The following BIN1 variants were observed in gnomAD, a reference collection of about 807,000 sequenced individuals.
BIN1 encodes myc box-dependent-interacting protein 1.
Under a neutral mutation model 82.0 loss-of-function variants are expected in BIN1, and 53 were observed. The observed-to-expected ratio is 0.65, with a 90% CI of 0.52 to 0.81. The LOEUF (loss-of-function observed/expected upper bound fraction) is 0.81. Among genes scored for constraint, BIN1 ranks in the 40% least tolerant of loss-of-function variants. BIN1 has a pLI of 0.00. For synonymous variants in BIN1, 302 were observed against 328.0 expected (o/e 0.92, Z 0.86); for missense variants, 642 against 784.4 (o/e 0.82, Z 2.17).
rs114823563 is a variant in BIN1, at chr2:127,081,840, T to G, written c.85-5134A>C. The G allele has an allele frequency of 8.3e-4, 1,066 of 1,287,954 alleles. 10 individuals are homozygous for G. The African/African-American group carries it at 0.015, about 18-fold the overall frequency. 79.8% of individuals were successfully genotyped at this position (1,287,954 alleles called of 1,614,324 possible). ...ACGCATAAGGCCCTCACCTTCCGCA[T>G]CATCTCCTCCCCACCTGCCTGCACA... On this transcript the variant is annotated intron_variant, in intron 1 of 18. Transcript: ENST00000316724.
At chr2:127,078,633 C>T (rs184439524) in intron 1 of BIN1, among the ~76,000 whole-genome samples, 2 of 152,258 alleles carry the variant, frequency 1.3e-5, no homozygotes, top group African/African-American at 4.8e-5. Context: ...CAGCTGGATG[C>T]CAAGGGCTGA....
At chr2:127,074,236 C>T (rs1686308684) in intron 2 of BIN1, among the ~76,000 whole-genome samples, 1 of 152,098 alleles carries the variant, frequency 6.6e-6, no homozygotes, top group African/African-American at 2.4e-5. Flanking sequence ...CTCCTGAATT[C>T]ACTCCCCCAA....
chr2:127,058,060 A>C (rs1302602032), intron 11 of BIN1, among the ~76,000 whole-genome samples: 3 of 152,006 alleles, frequency 2.0e-5, no homozygotes, highest in African/African-American at 7.3e-5. Flanking sequence ...CTCCCAGGGC[A>C]CAGGGCTGCC....
chr2:127,069,073 C>T lies in BIN1; in HGVS notation c.412-42G>A, dbSNP rs762145174. 1.4e-5 allele frequency: 22 copies of T among 1,576,052 alleles called. No homozygotes were observed. The Middle Eastern group carries it at 8.3e-4, about 60-fold the overall frequency. On this transcript the variant is annotated intron_variant, in intron 5 of 18. Transcript: ENST00000316724. ...AGGGCACTAAGCGGGGCCTGGCACC[C>T]CTGCTGAGACTCCAGGTCCAGTGGA...
rs1310495608 is a variant in BIN1, at chr2:127,067,843, GC to G, written c.612+319del. 1.3e-5 allele frequency among the ~76,000 whole-genome samples: 2 copies of G among 152,202 alleles called. No homozygotes were observed. Among genetic ancestry groups the G allele is most frequent in the African/African-American group, 2.4e-5 (1 of 41,456 alleles). The stretch of plus-strand genomic sequence containing the variant: ...TGATGTCGCCTCCCTCCCCAGAGGA[GC>G]CCTCACAGAGGACAATGGCTCAAAG... On this transcript the variant is annotated intron_variant, in intron 7 of 18. Transcript: ENST00000316724. This position sits in a 1 kb window ranked among gnomAD's most constrained non-coding sequence, Gnocchi z 4.7.
chr2:127,079,817 G>A (rs1414953346), intron 1 of BIN1, among the ~76,000 whole-genome samples: 1 of 152,246 alleles, frequency 6.6e-6, no homozygotes, highest in African/African-American at 2.4e-5. Flanking sequence ...TTTGAGGGCA[G>A]AGACATGACC....
At chr2:127,066,276 A>G (rs1319678898) in intron 7 of BIN1, among the ~76,000 whole-genome samples, 1 of 152,178 alleles carries the variant, frequency 6.6e-6, no homozygotes, top group Non-Finnish European at 1.5e-5. Context: ...TGGGACCCAA[A>G]TGGGACAGCT....
rs565021165 is a variant in BIN1, at chr2:127,093,041, G to C, written c.84+13819C>G. Among the ~76,000 whole-genome samples, 1 of 151,832 alleles carries C rather than the reference G, an allele frequency of 6.6e-6. No individual in the cohort carries two copies. The highest frequency in any genetic ancestry group is 1.9e-4 in the East Asian group (1 of 5,146). On this transcript the variant is annotated intron_variant, in intron 1 of 18. Coordinates refer to ENST00000316724, the MANE Select transcript of BIN1 (RefSeq NM_139343.3). This position sits in a 1 kb window ranked among gnomAD's most constrained non-coding sequence, Gnocchi z 5.7. The stretch of plus-strand genomic sequence containing the variant: ...CAAAGGAGTGGGGCACAGCCTGGGG[G>C]CCCCCCCACAGATGCCAGGTCAGCC...
intron 1 of BIN1, among the ~76,000 whole-genome samples, chr2:127,086,124 C>A (rs1301765207): frequency 6.6e-6 from 1 of 152,204 alleles, no homozygotes; most frequent in Non-Finnish European, 1.5e-5. Flanking sequence ...CCTAGGCCAC[C>A]CTGAGGTGAT....
In BIN1 at chr2:127,057,567, T is replaced by C; in HGVS notation, c.1037A>G (p.Lys346Arg). 1 of 1,540,174 alleles carries C rather than the reference T, an allele frequency of 6.5e-7. No homozygotes were observed. Among genetic ancestry groups the C allele is most frequent in the Non-Finnish European group, 8.8e-7 (1 of 1,139,456 alleles). ...RKGPPVPPPP[K>R]HTPSKEVKQE... ...CTTGACTTCCTTGGACGGGGTGTGT[T>C]TGGGAGGCGGAGGGACTGGTGGGCC... is the stretch of plus-strand genomic sequence containing the variant. Residue 346 changes from lysine to arginine, a missense_variant, in exon 12 of 19, where the codon AAA (lysine) becomes AGA (arginine). Physicochemically the swap from Lys to Arg is conservative, Grantham distance 26 (BLOSUM62 2). Coordinates refer to ENST00000316724, the MANE Select transcript of BIN1 (RefSeq NM_139343.3). This position sits in a 1 kb window ranked among gnomAD's most constrained non-coding sequence, Gnocchi z 5.0.
chr2:127,077,386 T>A (rs1281155977), intron 1 of BIN1, among the ~76,000 whole-genome samples: 1 of 152,002 alleles, frequency 6.6e-6, no homozygotes, highest in African/African-American at 2.4e-5. Context: ...CTCCCAACCA[T>A]GAGTCTCAGA....
intron 1 of BIN1, among the ~76,000 whole-genome samples, chr2:127,103,940 G>C (rs1229741325): frequency 6.6e-6 from 1 of 152,186 alleles, no homozygotes; most frequent in African/African-American, 2.4e-5. Flanking sequence ...TGGCCAGGGG[G>C]CCAGGAGCAA....
chr2:127,054,105 G>A (rs1051316121), intron 12 of BIN1, 93 bp from the exon 13 acceptor site: 15 of 1,009,030 alleles, frequency 1.5e-5, no homozygotes, highest in Admixed American at 8.0e-5. Flanking sequence ...AGGCACACGC[G>A]TGGACACACA....
At chr2:127,051,013 C>G in intron 16 of BIN1, 101 bp from the exon 17 acceptor site, 1 of 1,504,252 alleles carries the variant, frequency 6.6e-7, no homozygotes, top group Non-Finnish European at 9.2e-7. Context: ...GGTGTCTGCG[C>G]CTGGTGCCAG....
chr2:127,080,860 G>A (rs1025121690), intron 1 of BIN1, among the ~76,000 whole-genome samples: 2 of 152,208 alleles, frequency 1.3e-5, no homozygotes, highest in East Asian at 3.9e-4. Flanking sequence ...GTTCAGCCTC[G>A]CTGGGCCTCG....
chr2:127,064,176 G>A (rs151265629), intron 7 of BIN1, among the ~76,000 whole-genome samples, 158 bp from the exon 8 acceptor site: 1 of 152,358 alleles, frequency 6.6e-6, no homozygotes, highest in Admixed American at 6.5e-5. Flanking sequence ...CACCCATGCT[G>A]GCGACCTCCC....
intron 12 of BIN1, chr2:127,054,445 C>A (rs182651952): frequency 4.1e-6 from 1 of 242,908 alleles, no homozygotes; most frequent in East Asian, 1.1e-4. Flanking sequence ...CTTGCTACCC[C>A]CCAGTGGCGA....
At chr2:127,102,367 C>A (rs1680463988) in intron 1 of BIN1, among the ~76,000 whole-genome samples, 3 of 152,218 alleles carry the variant, frequency 2.0e-5, no homozygotes, top group Admixed American at 2.0e-4. Flanking sequence ...GCAGAGAGTT[C>A]AAGCCTCAGC....
At chr2:127,098,037 T>C (rs1679820849) in intron 1 of BIN1, among the ~76,000 whole-genome samples, 2 of 152,154 alleles carry the variant, frequency 1.3e-5, no homozygotes, top group Non-Finnish European at 2.9e-5. Flanking sequence ...GAGTGCTGTG[T>C]GCAAGGCTGG....
Sources: gnomAD v4.1 joint callset for allele counts (sites outside exome capture counted in the v4.1 genomes callset) on GRCh38, gnomAD v4.1.1 for gene constraint, Gnocchi (gnomAD v3.1) non-coding constraint, MANE v1.5 for transcripts, NCBI Gene and HGNC (gene_info 2026-07-23, HGNC 2026-07-21) for gene names.